Variants in LMO7 observed in about 807,000 individuals in gnomAD.
LMO7 encodes LIM domain 7, also known as LIM domain only protein 7.
LMO7 carries 120 observed loss-of-function variants against 206.5 expected under a neutral mutation model. The ratio of observed to expected loss-of-function variants is 0.58; its 90% CI spans 0.50 to 0.68. The LOEUF (loss-of-function observed/expected upper bound fraction) is 0.68. Ranked by LOEUF, LMO7 falls within the 30% of genes least tolerant of loss-of-function variation. The pLI is 0.00. For synonymous variants in LMO7, 706 were observed against 681.5 expected (o/e 1.04, Z -0.56); for missense variants, 1,959 against 1,957.9 (o/e 1.00, Z -0.01).
At chr13:75,738,600 T>A (rs1014043961) in intron 3 of LMO7, among the ~76,000 whole-genome samples, 20 of 152,206 alleles carry the variant, frequency 1.3e-4, no homozygotes, top group African/African-American at 2.4e-4. Flanking sequence ...CCATGTTTTT[T>A]AAAAAAATCT....
chr13:75,639,705 T>C (rs534200157), intron 1 of LMO7, among the ~76,000 whole-genome samples: 71 of 152,364 alleles, frequency 4.7e-4, no homozygotes, highest in African/African-American at 1.6e-3. Context: ...ACTAATGAGA[T>C]TGAAACTGGG....
chr13:75,842,526 G>A (rs1416751394), intron 24 of LMO7, among the ~76,000 whole-genome samples: 1 of 152,012 alleles, frequency 6.6e-6, no homozygotes, highest in Non-Finnish European at 1.5e-5. Flanking sequence ...TTATCTGTTA[G>A]CCTGCCTGCT....
rs140140498 is a variant in LMO7 at position 75,681,819 on chromosome 13, C to T, written c.70-31363C>T. ...TAGCATAATGTATTTGAGACATATC[C>T]GTACTGTTGTTTCTATCATCAGTAA... On this transcript the variant is annotated intron_variant, in intron 1 of 30. Transcript: ENST00000377534. Among the ~76,000 whole-genome samples, 66 of 146,880 alleles carry T rather than the reference C, an allele frequency of 4.5e-4. 1 individual carries two copies. Among genetic ancestry groups the T allele is most frequent in the African/African-American group, 1.3e-3 (54 of 40,272 alleles).
chr13:75,774,062 T>A (rs986577108), intron 4 of LMO7, among the ~76,000 whole-genome samples: 1 of 152,162 alleles, frequency 6.6e-6, no homozygotes, highest in South Asian at 2.1e-4. Flanking sequence ...CATCTTTGCC[T>A]TTTGTTTTAC....
chr13:75,679,445 T>C (rs906779940), intron 1 of LMO7, among the ~76,000 whole-genome samples: 1 of 151,992 alleles, frequency 6.6e-6, no homozygotes, highest in African/African-American at 2.4e-5. Flanking sequence ...GGCGGAAGGG[T>C]GTTTTAGCTT....
intron 3 of LMO7, among the ~76,000 whole-genome samples, chr13:75,745,390 G>C (rs1319025079): frequency 1.3e-5 from 2 of 152,132 alleles, no homozygotes; most frequent in African/African-American, 4.8e-5. Flanking sequence ...GTACACAAAT[G>C]GGTGAATTAT....
At chr13:75,785,117 G>A (rs1240243752) in intron 4 of LMO7, among the ~76,000 whole-genome samples, 1 of 152,058 alleles carries the variant, frequency 6.6e-6, no homozygotes, top group East Asian at 1.9e-4. Flanking sequence ...GACAGATTTA[G>A]GAAAGAAATT....
At chr13:75,827,040 C>A (rs1566559409) in intron 15 of LMO7, among the ~76,000 whole-genome samples, 1 of 152,144 alleles carries the variant, frequency 6.6e-6, no homozygotes, top group Admixed American at 6.6e-5. Context: ...TGTCACCCCT[C>A]CCCCATTGGA....
At chr13:75,779,092 C>T (rs1228566514) in intron 4 of LMO7, among the ~76,000 whole-genome samples, 1 of 152,096 alleles carries the variant, frequency 6.6e-6, no homozygotes, top group African/African-American at 2.4e-5. Context: ...GCTTCTGATG[C>T]TGAAAGTTGG....
At chr13:75,783,186 A>G (rs1339213332) in intron 4 of LMO7, among the ~76,000 whole-genome samples, 2 of 152,236 alleles carry the variant, frequency 1.3e-5, no homozygotes, top group East Asian at 3.8e-4. Flanking sequence ...TGGAATGCAT[A>G]AAAATGGCAT....
intron 19 of LMO7, among the ~76,000 whole-genome samples, chr13:75,836,797 A>G (rs12430039): frequency 1.2e-4 from 19 of 152,326 alleles, no homozygotes; most frequent in Admixed American, 1.2e-3. Flanking sequence ...GCATGAAACT[A>G]TGAATGAAGT....
At chr13:75,822,111 C>G (rs912598909) in intron 14 of LMO7, among the ~76,000 whole-genome samples, 1 of 152,060 alleles carries the variant, frequency 6.6e-6, no homozygotes, top group Non-Finnish European at 1.5e-5. Flanking sequence ...CTACTAGTGT[C>G]AGGATTTTGA....
chr13:75,786,717 A>G lies in LMO7; in HGVS notation c.318-8684A>G, dbSNP rs558922933. On this transcript the variant is annotated intron_variant, in intron 4 of 30. Coordinates refer to ENST00000377534, the MANE Select transcript of LMO7 (RefSeq NM_001306080.2). ...ACTTATTTTCTAGGTGATTCCATTC[A>G]GTCTTATGAGGTTCTATTTCATCTC... 1.8e-4 allele frequency among the ~76,000 whole-genome samples: 27 copies of G among 152,234 alleles called. No individual in the cohort carries two copies. In the South Asian group the frequency reaches 5.4e-3, roughly 30 times the overall value.
chr13:75,687,537 C>CT (rs966004089), intron 1 of LMO7, among the ~76,000 whole-genome samples: 6 of 151,302 alleles, frequency 4.0e-5, no homozygotes, highest in Admixed American at 2.6e-4. Context: ...TTCACTCAAA[C>CT]TTTTTTTTTC....
chr13:75,703,682 C>A (rs1471600330), intron 1 of LMO7, among the ~76,000 whole-genome samples: 1 of 151,924 alleles, frequency 6.6e-6, no homozygotes, highest in Non-Finnish European at 1.5e-5. Context: ...GAGTCTGGTA[C>A]TTCCATCTCA....
chr13:75,620,779 G>A (rs1231206529), exon 1 of LMO7: 1 of 152,070 alleles, frequency 6.6e-6, no homozygotes, highest in African/African-American at 2.4e-5. Flanking sequence ...CCCACTAAGT[G>A]GCTTTCCCAC....
chr13:75,858,394 CATATGGAAAA>C lies in LMO7; in HGVS notation c.*452_*461del, dbSNP rs2061124785. The C allele has an allele frequency of 6.5e-6, 1 of 153,078 alleles. No homozygotes were observed. The highest frequency in any genetic ancestry group is 2.1e-4 in the South Asian group (1 of 4,848). 9.5% of individuals were successfully genotyped at this position (153,078 alleles called of 1,614,324 possible). On this transcript the variant is annotated 3_prime_UTR_variant, in exon 31 of 31. Coordinates refer to ENST00000377534, the MANE Select transcript of LMO7 (RefSeq NM_001306080.2). ...AATGTATTCTAAATTAATGCAGAAC[CATATGGAAAA>C]TTTCATTAAAATCTATCCCCAAATG...
chr13:75,797,606 T>G (rs1037749102), intron 6 of LMO7, among the ~76,000 whole-genome samples: 1 of 152,228 alleles, frequency 6.6e-6, no homozygotes, highest in Non-Finnish European at 1.5e-5. Flanking sequence ...AGCATTAGCC[T>G]CTAGCACATT....
Position 75,693,540 on chromosome 13 carries a change from C to T in LMO7, c.70-19642C>T, listed in dbSNP as rs536384375. ...CACTGAATCTGTTCTCCTTTTCCTC[C>T]GGCTTTTCTGTCTTCTGACTCCATG... On this transcript the variant is annotated intron_variant, in intron 1 of 30. Coordinates refer to ENST00000377534, the MANE Select transcript of LMO7 (RefSeq NM_001306080.2). Among the ~76,000 whole-genome samples the T allele has an allele frequency of 9.2e-5, 14 of 152,264 alleles. No homozygotes were observed. The South Asian group carries it at 1.2e-3, about 14-fold the overall frequency.
Sources: allele counts gnomAD v4.1 joint callset (sites outside exome capture counted in the v4.1 genomes callset), GRCh38; gene constraint gnomAD v4.1.1; transcripts MANE v1.5; gene names NCBI Gene and HGNC (gene_info 2026-07-23, HGNC 2026-07-21).